SLC39A11: variants seen among roughly 807,000 people sequenced by gnomAD.
SLC39A11 encodes solute carrier family 39 member 11, also known as zinc transporter ZIP11.
A neutral mutation model predicts 36.1 loss-of-function variants in SLC39A11; 33 were observed. The ratio of observed to expected loss-of-function variants is 0.91; its 90% CI spans 0.69 to 1.22. SLC39A11 has a LOEUF of 1.22. SLC39A11 is among the 50% of genes most tolerant of loss of function. SLC39A11 has a pLI of 0.00. For synonymous variants in SLC39A11, 166 were observed against 170.3 expected (o/e 0.97, Z 0.20); for missense variants, 432 against 430.3 (o/e 1.00, Z -0.03).
rs878993977 is a variant in SLC39A11 at position 72,849,543 on chromosome 17, T to C, written c.601+91A>G. ...TCTCCAAAAAGGACCCACGTCACAA[T>C]TGCCCCTTCCCCTTTTCCAGCCAGA... On this transcript the variant is annotated intron_variant, in intron 6 of 9. Transcript: ENST00000255559. 3.3e-5 allele frequency: 44 copies of C among 1,350,158 alleles called. No individual in the cohort carries two copies. In the South Asian group the frequency reaches 7.2e-4, roughly 22 times the overall value. The allele number at this position is 1,350,158 out of a possible 1,614,324, so 83.6% of individuals were successfully genotyped here.
chr17:72,757,263 T>C lies in SLC39A11; in HGVS notation c.602-20544A>G, dbSNP rs140542081. Among the ~76,000 whole-genome samples the C allele has an allele frequency of 1.5e-3, 231 of 152,096 alleles. 2 individuals are homozygous for C. The highest frequency in any genetic ancestry group is 5.2e-3 in the African/African-American group (217 of 41,516). ...GGAGCTCGCACTAAACTCTTAGGGG[T>C]AAGAACAGGTAAGACCCGATTCAAG... On this transcript the variant is annotated intron_variant, in intron 6 of 9. Coordinates refer to ENST00000255559, the MANE Select transcript of SLC39A11 (RefSeq NM_139177.4).
intron 7 of SLC39A11, among the ~76,000 whole-genome samples, chr17:72,694,226 G>C (rs974980364): frequency 6.6e-6 from 1 of 152,196 alleles, no homozygotes; most frequent in Admixed American, 6.5e-5. Context: ...CTCCTGAGAA[G>C]GGGGTCTCAC....
At chr17:72,781,968 C>T (rs1376922972) in intron 6 of SLC39A11, among the ~76,000 whole-genome samples, 1 of 152,050 alleles carries the variant, frequency 6.6e-6, no homozygotes, top group African/African-American at 2.4e-5. Context: ...CTTCCTGCCT[C>T]TCTCTATATA....
At chr17:73,029,728 C>T (rs112984592) in intron 4 of SLC39A11, among the ~76,000 whole-genome samples, 27 of 152,064 alleles carry the variant, frequency 1.8e-4, no homozygotes, top group Admixed American at 2.6e-4. Context: ...ATTACAGGTG[C>T]GCACCACCAC....
intron 6 of SLC39A11, among the ~76,000 whole-genome samples, chr17:72,834,514 G>A (rs1223057277): frequency 1.3e-5 from 2 of 152,102 alleles, no homozygotes. Flanking sequence ...TCCAGCTATT[G>A]AGGAAGCTAA....
At chr17:72,866,725 A>G (rs2146305592) in intron 5 of SLC39A11, among the ~76,000 whole-genome samples, 1 of 152,372 alleles carries the variant, frequency 6.6e-6, no homozygotes, top group African/African-American at 2.4e-5. Flanking sequence ...GCAAAGCACA[A>G]ATCTTCAGAT....
At chr17:73,082,219 G>T (rs1200247228) in intron 3 of SLC39A11, among the ~76,000 whole-genome samples, 1 of 149,356 alleles carries the variant, frequency 6.7e-6, no homozygotes, top group Admixed American at 6.7e-5. Flanking sequence ...GGCTCTAAAT[G>T]CTTACATAAC....
In SLC39A11 at chr17:72,647,661, CACT is replaced by C; in HGVS notation, c.930-2_930del. 6.2e-7 allele frequency: 1 copy of C among 1,613,632 alleles called. No homozygotes were observed. The highest frequency in any genetic ancestry group is 8.5e-7 in the Non-Finnish European group (1 of 1,179,686). On this transcript the variant is annotated splice_acceptor_variant and coding_sequence_variant, in exon 10 of 10. Coordinates refer to ENST00000255559, the MANE Select transcript of SLC39A11 (RefSeq NM_139177.4). LOFTEE classifies it high-confidence loss of function. ...GCCCAGGATGCCAGTTTCCCATTAC[CACT>C]GGAAGAGAAGGACAGGAAGAAAAGT...
At chr17:72,948,001 T>C in intron 4 of SLC39A11, 126 bp from the exon 5 acceptor site, 2 of 1,247,632 alleles carry the variant, frequency 1.6e-6, no homozygotes, top group Non-Finnish European at 1.1e-6. Flanking sequence ...GAGCCAGTCC[T>C]CCGGCCAACC....
intron 6 of SLC39A11, among the ~76,000 whole-genome samples, chr17:72,814,742 T>TG (rs141279300): frequency 0.016 from 2,383 of 152,294 alleles, 71 homozygotes; most frequent in African/African-American, 0.054. Flanking sequence ...CACCTGGGGC[T>TG]GGGGGGACCC....
chr17:72,992,280 G>C (rs532493539), intron 4 of SLC39A11, among the ~76,000 whole-genome samples: 1 of 152,290 alleles, frequency 6.6e-6, no homozygotes, highest in South Asian at 2.1e-4. Flanking sequence ...CTTGAACCCA[G>C]GAGGTGGAGG....
At chr17:73,026,187 G>GAGAAGAGAAGAGAAGAGAAGAGA (rs1555683082) in intron 4 of SLC39A11, among the ~76,000 whole-genome samples, 33 of 3,572 alleles carry the variant, frequency 9.2e-3, no homozygotes, top group East Asian at 0.02. Flanking sequence ...AGAAAGAGAA[G>GAGAAGAGAAGAGAAGAGAAGAGA]AGAGAAGAGA....
intron 7 of SLC39A11, among the ~76,000 whole-genome samples, chr17:72,700,925 A>T (rs1026554965): frequency 6.6e-6 from 1 of 152,238 alleles, no homozygotes; most frequent in Non-Finnish European, 1.5e-5. Flanking sequence ...CCCCTCCCAC[A>T]ACATAAGGGA....
intron 4 of SLC39A11, among the ~76,000 whole-genome samples, chr17:72,994,333 T>C (rs2089368180): frequency 6.6e-6 from 1 of 152,160 alleles, no homozygotes. Context: ...CTAATATATA[T>C]AGAATGTTTT....
intron 7 of SLC39A11, among the ~76,000 whole-genome samples, chr17:72,712,017 G>A (rs893505462): frequency 6.6e-6 from 1 of 152,212 alleles, no homozygotes; most frequent in Non-Finnish European, 1.5e-5. Context: ...CAAAGCACAG[G>A]GCTTAGTGAG....
chr17:72,904,107 A>C lies in SLC39A11; in HGVS notation c.430+43645T>G, dbSNP rs760503923. On this transcript the variant is annotated intron_variant, in intron 5 of 9. Coordinates refer to ENST00000255559, the MANE Select transcript of SLC39A11 (RefSeq NM_139177.4). ...CTGCTAGGGAGGGCAGATGACACAG[A>C]AACTGCAGTGACAGAGGACACTCCC... Among the ~76,000 whole-genome samples the C allele has an allele frequency of 2.6e-4, 40 of 152,320 alleles. 1 individual carries two copies. The highest frequency in any genetic ancestry group is 4.7e-4 in the Non-Finnish European group (32 of 68,028).
At chr17:73,067,888 G>T (rs1323104797) in intron 3 of SLC39A11, 1 of 1,607,506 alleles carries the variant, frequency 6.2e-7, no homozygotes, top group Non-Finnish European at 8.5e-7. Flanking sequence ...CCTGAGACTT[G>T]CAGTAATGTA....
chr17:72,862,496 AG>A (rs2080090169), intron 5 of SLC39A11, among the ~76,000 whole-genome samples: 1 of 152,200 alleles, frequency 6.6e-6, no homozygotes, highest in South Asian at 2.1e-4. Context: ...CCAGGCTGGG[AG>A]CATCCTTTCC....
chr17:73,065,789 T>A (rs2059981272), intron 3 of SLC39A11, among the ~76,000 whole-genome samples: 1 of 152,200 alleles, frequency 6.6e-6, no homozygotes. Flanking sequence ...TAACTGGGGC[T>A]TCAAATTTTT....
Sources: allele counts gnomAD v4.1 joint callset (sites outside exome capture counted in the v4.1 genomes callset), GRCh38; gene constraint gnomAD v4.1.1; transcripts MANE v1.5; gene names NCBI Gene and HGNC (gene_info 2026-07-23, HGNC 2026-07-21).